VTI1A: variants seen among roughly 807,000 people sequenced by gnomAD.
The protein encoded by VTI1A is vesicle transport through interaction with t-SNAREs homolog 1A.
In VTI1A, 22 loss-of-function variants were observed where a neutral mutation model predicts 34.9. The observed-to-expected ratio is 0.63, with a 90% CI of 0.45 to 0.90. The LOEUF (loss-of-function observed/expected upper bound fraction) is 0.90, where lower values mean the gene tolerates loss of function less well. Ranked by LOEUF, VTI1A falls within the 40% of genes least tolerant of loss-of-function variation. The pLI, the probability that VTI1A is intolerant of heterozygous loss-of-function variation, is 0.00. For missense variants in VTI1A, 268 were observed against 275.6 expected (o/e 0.97, Z 0.20); for synonymous variants, 87 against 97.3 (o/e 0.89, Z 0.62).
intron 5 of VTI1A, among the ~76,000 whole-genome samples, chr10:112,594,051 A>C (rs1483442006): frequency 1.3e-5 from 2 of 152,180 alleles, no homozygotes; most frequent in Non-Finnish European, 2.9e-5. Flanking sequence ...CTGGGACTAC[A>C]GGAGCCTGCC....
chr10:112,590,646 C>T (rs1387577862), intron 5 of VTI1A, among the ~76,000 whole-genome samples: 1 of 152,062 alleles, frequency 6.6e-6, no homozygotes, highest in Non-Finnish European at 1.5e-5. Flanking sequence ...CACGCCACTG[C>T]ACTCCAGCAT....
chr10:112,764,384 T>C (rs919488960), intron 7 of VTI1A, among the ~76,000 whole-genome samples: 1 of 152,252 alleles, frequency 6.6e-6, no homozygotes, highest in African/African-American at 2.4e-5. Flanking sequence ...AGAGTCATCT[T>C]TTGAGAATTA....
At chr10:112,652,674 C>T (rs964712430) in intron 5 of VTI1A, among the ~76,000 whole-genome samples, 2 of 144,832 alleles carry the variant, frequency 1.4e-5, no homozygotes, top group African/African-American at 5.1e-5. Flanking sequence ...CTGCAGTGAG[C>T]CGTGTTCATG....
intron 5 of VTI1A, among the ~76,000 whole-genome samples, chr10:112,546,044 A>T (rs1422963577): frequency 2.0e-5 from 3 of 150,350 alleles, no homozygotes; most frequent in African/African-American, 7.4e-5. Flanking sequence ...ATGTGTGTGT[A>T]TATACGTGTA....
At chr10:112,526,666 T>C (rs1234495035) in intron 3 of VTI1A, among the ~76,000 whole-genome samples, 1 of 151,906 alleles carries the variant, frequency 6.6e-6, no homozygotes, top group Non-Finnish European at 1.5e-5. Flanking sequence ...TTTAAAGTGC[T>C]AAATTGAAAG....
chr10:112,620,425 A>G (rs1297127546), intron 5 of VTI1A, among the ~76,000 whole-genome samples: 2 of 152,196 alleles, frequency 1.3e-5, no homozygotes, highest in African/African-American at 4.8e-5. Flanking sequence ...TTATAGGCCT[A>G]TAAGAGAGGA....
At chr10:112,845,979 C>T in the VTI1A span, among the ~76,000 whole-genome samples, 8 of 152,108 alleles carry the variant, frequency 5.3e-5, no homozygotes, top group East Asian at 7.7e-4. Flanking sequence ...GATCACACCA[C>T]GACACGCCAG....
At chr10:112,730,649 G>A (rs1411387492) in intron 7 of VTI1A, among the ~76,000 whole-genome samples, 1 of 149,944 alleles carries the variant, frequency 6.7e-6, no homozygotes, top group Non-Finnish European at 1.5e-5. Context: ...CATCTCCTTG[G>A]CTTTTTAACT....
At chr10:112,534,663 C>T (rs1330664668) in intron 4 of VTI1A, among the ~76,000 whole-genome samples, 2 of 151,944 alleles carry the variant, frequency 1.3e-5, no homozygotes, top group Non-Finnish European at 2.9e-5. Context: ...ATACAAAAAC[C>T]CTCGCCCTCC....
chr10:112,451,700 T>C (rs1847245323), intron 1 of VTI1A, among the ~76,000 whole-genome samples: 1 of 152,214 alleles, frequency 6.6e-6, no homozygotes, highest in South Asian at 2.1e-4. Context: ...GTCTAGACCA[T>C]CTAGACTTAG....
At chr10:112,575,800 CGATTTTGCCTGATA>C (rs1852308641) in intron 5 of VTI1A, among the ~76,000 whole-genome samples, 2 of 152,116 alleles carry the variant, frequency 1.3e-5, no homozygotes, top group African/African-American at 4.8e-5. Flanking sequence ...GCCATTGAAA[CGATTTTGCCTGATA>C]GACTTCATAT....
intron 3 of VTI1A, among the ~76,000 whole-genome samples, chr10:112,509,631 C>T (rs1380931752): frequency 6.6e-6 from 1 of 152,130 alleles, no homozygotes; most frequent in Non-Finnish European, 1.5e-5. Flanking sequence ...TGGGGAGTGC[C>T]TGTCAGAGGA....
At chr10:112,787,525 C>G (rs534463523) in intron 7 of VTI1A, among the ~76,000 whole-genome samples, 1 of 152,132 alleles carries the variant, frequency 6.6e-6, no homozygotes, top group African/African-American at 2.4e-5. Context: ...AAATTTCTCT[C>G]TAAGCTCTGC....
chr10:112,482,995 TAAAAAGAGA>T (rs1848502682), intron 3 of VTI1A, among the ~76,000 whole-genome samples: 1 of 151,758 alleles, frequency 6.6e-6, no homozygotes, highest in African/African-American at 2.4e-5. Flanking sequence ...GCAGGGGAAA[TAAAAAGAGA>T]GAAAAGAAGT....
chr10:112,729,574 T>G (rs1406347612), intron 7 of VTI1A, among the ~76,000 whole-genome samples: 1 of 152,172 alleles, frequency 6.6e-6, no homozygotes, highest in East Asian at 1.9e-4. Flanking sequence ...AGGAAGACTT[T>G]TCTCATTATG....
chr10:112,737,549 G>A (rs1850533465), intron 7 of VTI1A: 1 of 1,050,418 alleles, frequency 9.5e-7, no homozygotes, highest in Non-Finnish European at 1.1e-6. Flanking sequence ...CGTGAGCAAG[G>A]AGCCTGCATT....
chr10:112,588,985 T>C (rs1207163860), intron 5 of VTI1A, among the ~76,000 whole-genome samples: 1 of 151,220 alleles, frequency 6.6e-6, no homozygotes, highest in South Asian at 2.1e-4. Context: ...TATCACCACA[T>C]TCCCTACATA....
intron 5 of VTI1A, chr10:112,548,892 T>C: frequency 8.1e-7 from 1 of 1,240,224 alleles, no homozygotes; most frequent in Non-Finnish European, 1.1e-6. Flanking sequence ...AAAAAATCAT[T>C]TTAGAAGTTT....
intron 7 of VTI1A, among the ~76,000 whole-genome samples, chr10:112,800,661 A>G (rs1852846532): frequency 6.6e-6 from 1 of 152,200 alleles, no homozygotes; most frequent in South Asian, 2.1e-4. Flanking sequence ...CAGAGCGTTG[A>G]TTCTTTGGAG....
Sources: gnomAD v4.1 joint callset for allele counts (sites outside exome capture counted in the v4.1 genomes callset) on GRCh38, gnomAD v4.1.1 for gene constraint, MANE v1.5 for transcripts, NCBI Gene and HGNC (gene_info 2026-07-23, HGNC 2026-07-21) for gene names.